CADPS: variants seen among roughly 807,000 people sequenced by gnomAD.
CADPS encodes the protein calcium-dependent secretion activator 1.
Under a neutral mutation model 167.3 loss-of-function variants are expected in CADPS, and 57 were observed. That is an observed-to-expected ratio of 0.34 (90% confidence interval 0.28 to 0.42). The LOEUF (loss-of-function observed/expected upper bound fraction) is 0.42, where lower values mean the gene tolerates loss of function less well. Ranked by LOEUF, CADPS falls within the 20% of genes least tolerant of loss-of-function variation. The probability of loss-of-function intolerance (pLI) is 1.00; values close to 1 mark genes in which losing one functional copy is unlikely to be tolerated. For synonymous variants in CADPS, 676 were observed against 635.3 expected (o/e 1.06, Z -0.96); for missense variants, 1,414 against 1,738.1 (o/e 0.81, Z 3.32).
intron 3 of CADPS, among the ~76,000 whole-genome samples, chr3:62,683,605 T>A (rs1287749312): frequency 6.6e-6 from 1 of 152,090 alleles, no homozygotes; most frequent in Non-Finnish European, 1.5e-5. Flanking sequence ...ACATTGATAC[T>A]TCATTATTAA....
At position 62,728,815 on chromosome 3, in the gene CADPS, G is replaced by A. The variant is rs144367660; in HGVS notation, c.888+24626C>T. ...ATTGTAAGCTTGACTTGGGGGCGGC[G>A]GAAAACTAGAAAGAGATGAGCAAGT... On this transcript the variant is annotated intron_variant, in intron 3 of 29. Coordinates refer to ENST00000383710, the MANE Select transcript of CADPS (RefSeq NM_003716.4). Among the ~76,000 whole-genome samples the A allele has an allele frequency of 1.6e-3, 238 of 151,834 alleles. 5 individuals carry two copies. Among genetic ancestry groups the A allele is most frequent in the African/African-American group, 5.2e-3 (215 of 41,186 alleles).
chr3:62,407,489 G>A (rs1245218417), intron 28 of CADPS, among the ~76,000 whole-genome samples: 1 of 152,130 alleles, frequency 6.6e-6, no homozygotes, highest in Non-Finnish European at 1.5e-5. Flanking sequence ...TGTGGGGTGA[G>A]TTACAGCTTC....
At chr3:62,591,366 G>A (rs536210156) in intron 7 of CADPS, among the ~76,000 whole-genome samples, 1 of 152,278 alleles carries the variant, frequency 6.6e-6, no homozygotes, top group East Asian at 1.9e-4. Flanking sequence ...GAAGGGGACT[G>A]AGCTGTCAGG....
At chr3:62,827,046 A>G (rs2074190712) in intron 1 of CADPS, among the ~76,000 whole-genome samples, 1 of 152,186 alleles carries the variant, frequency 6.6e-6, no homozygotes, top group South Asian at 2.1e-4. Flanking sequence ...GTTTTGATGG[A>G]AGGCTTGATA....
rs2061695360 is a variant in CADPS, at chr3:62,479,390, A to AT, written c.3174-975dup. 2.0e-5 allele frequency among the ~76,000 whole-genome samples: 3 copies of AT among 152,292 alleles called. No homozygotes were observed. In the South Asian group the frequency reaches 6.2e-4, roughly 32 times the overall value. On this transcript the variant is annotated intron_variant, in intron 22 of 29. Coordinates refer to ENST00000383710, the MANE Select transcript of CADPS (RefSeq NM_003716.4). ...CCACCCACTTCCTCGCATACCACTA[A>AT]TGCTAACACAGTAATTTATAAAATG...
rs562459430 is a variant in CADPS at position 62,540,386 on chromosome 3, T to C, written c.1967-3805A>G. Reference sequence around the variant, plus strand: ...GTTCTGTGAGGGCAAGTTTCTAATCTGTTATTTCCCCTGCCAGCTCTTAGA... The same window carrying C: ...GTTCTGTGAGGGCAAGTTTCTAATCCGTTATTTCCCCTGCCAGCTCTTAGA... On this transcript the variant is annotated intron_variant, in intron 11 of 29. Transcript: ENST00000383710. Among the ~76,000 whole-genome samples, 41 of 152,266 alleles carry C rather than the reference T, an allele frequency of 2.7e-4. No individual in the cohort carries two copies. The South Asian group carries it at 8.5e-3, about 32-fold the overall frequency.
chr3:62,797,554 G>A (rs549602367), intron 1 of CADPS, among the ~76,000 whole-genome samples: 11 of 152,200 alleles, frequency 7.2e-5, no homozygotes, highest in African/African-American at 2.6e-4. Flanking sequence ...CTTAGCAAAC[G>A]AATGCAGGAG....
intron 13 of CADPS, among the ~76,000 whole-genome samples, chr3:62,530,289 A>G (rs1331643878): frequency 2.0e-5 from 3 of 152,232 alleles, no homozygotes; most frequent in Non-Finnish European, 2.9e-5. Context: ...CTCCTTAAAC[A>G]TAATTTCAAA....
intron 3 of CADPS, among the ~76,000 whole-genome samples, chr3:62,678,721 A>C (rs2076682768): frequency 6.6e-6 from 1 of 152,100 alleles, no homozygotes; most frequent in Non-Finnish European, 1.5e-5. Context: ...CATGAACAAA[A>C]CTGCAAAAGA....
intron 6 of CADPS, among the ~76,000 whole-genome samples, chr3:62,634,506 G>A (rs1301738067): frequency 6.6e-6 from 1 of 152,134 alleles, no homozygotes; most frequent in Non-Finnish European, 1.5e-5. Context: ...TGAATATTCA[G>A]ATTTTAACAA....
intron 5 of CADPS, among the ~76,000 whole-genome samples, chr3:62,649,725 A>AT (rs960101840): frequency 1.8e-4 from 27 of 148,054 alleles, no homozygotes; most frequent in African/African-American, 3.2e-4. Context: ...ATTAAAAAAA[A>AT]TTTTTTTTTT....
At chr3:62,691,543 T>C (rs970981227) in intron 3 of CADPS, among the ~76,000 whole-genome samples, 9 of 152,074 alleles carry the variant, frequency 5.9e-5, no homozygotes, top group Admixed American at 5.2e-4. Context: ...GTAATGGTGC[T>C]TCCTTTCCTG....
chr3:62,817,855 T>C (rs2094699747), intron 1 of CADPS, among the ~76,000 whole-genome samples: 1 of 152,168 alleles, frequency 6.6e-6, no homozygotes, highest in African/African-American at 2.4e-5. Context: ...AGAATGCAGA[T>C]TGCATGTGGC....
chr3:62,399,618 A>C lies in CADPS; in HGVS notation c.3883-33T>G, dbSNP rs759719795. On this transcript the variant is annotated intron_variant, in intron 29 of 29. Transcript: ENST00000383710. The surrounding 1 kb of genome is among the most constrained non-coding windows in gnomAD (Gnocchi z 5.6). ...AGGAAAAGATACAGTGATAAGAGAGATCTCATCTCCATGATGGGGAGGGAG... is the reference window on the plus strand; with the variant it reads ...AGGAAAAGATACAGTGATAAGAGAGCTCTCATCTCCATGATGGGGAGGGAG... 6.3e-7 allele frequency: 1 copy of C among 1,578,288 alleles called. No individual in the cohort carries two copies. Among genetic ancestry groups the C allele is most frequent in the South Asian group, 1.1e-5 (1 of 89,864 alleles).
chr3:62,463,882 G>A (rs555899827), intron 26 of CADPS, among the ~76,000 whole-genome samples: 5 of 152,260 alleles, frequency 3.3e-5, no homozygotes, highest in Admixed American at 1.3e-4. Context: ...TTCAATCCTC[G>A]TACCTGGGAA....
At chr3:62,491,269 A>C in intron 21 of CADPS, 70 bp downstream of exon 21, 1 of 1,453,844 alleles carries the variant, frequency 6.9e-7, no homozygotes, top group Non-Finnish European at 9.5e-7. Flanking sequence ...TGACATCATT[A>C]ATCCATTTCT....
chr3:62,544,087 T>G lies in CADPS; in HGVS notation c.1966+5816A>C, dbSNP rs939263030. Among the ~76,000 whole-genome samples, 4 of 152,164 alleles carry G rather than the reference T, an allele frequency of 2.6e-5. 1 individual carries two copies. Among genetic ancestry groups the G allele is most frequent in the African/African-American group, 2.4e-5 (1 of 41,524 alleles). On this transcript the variant is annotated intron_variant, in intron 11 of 29. Coordinates refer to ENST00000383710, the MANE Select transcript of CADPS (RefSeq NM_003716.4). The surrounding 1 kb of genome is among the most constrained non-coding windows in gnomAD (Gnocchi z 4.4). Reference sequence around the variant, plus strand: ...GATACCAAGGTTAATACCTTGGCATTGTAAGACTGTGAATCCAAAGCATTT... The same window carrying G: ...GATACCAAGGTTAATACCTTGGCATGGTAAGACTGTGAATCCAAAGCATTT...
intron 3 of CADPS, among the ~76,000 whole-genome samples, chr3:62,667,042 T>TTG (rs1238749527): frequency 1.3e-5 from 2 of 151,148 alleles, no homozygotes; most frequent in Non-Finnish European, 3.0e-5. Context: ...ATCTTGTTTT[T>TTG]TTTTTTTTTT....
chr3:62,852,991 C>G (rs2078933867), intron 1 of CADPS, among the ~76,000 whole-genome samples: 1 of 152,166 alleles, frequency 6.6e-6, no homozygotes, highest in Non-Finnish European at 1.5e-5. Context: ...TTTTCTGGCA[C>G]TGTTTCCCAA....
Sources: allele counts gnomAD v4.1 joint callset (sites outside exome capture counted in the v4.1 genomes callset), GRCh38; gene constraint gnomAD v4.1.1; non-coding constraint Gnocchi (gnomAD v3.1); transcripts MANE v1.5; gene names NCBI Gene and HGNC (gene_info 2026-07-23, HGNC 2026-07-21).